Variants in CSNK1G1 observed in about 807,000 individuals in gnomAD.
The protein encoded by CSNK1G1 is casein kinase 1 gamma 1, also known as casein kinase I isoform gamma-1.
CSNK1G1 carries 22 observed loss-of-function variants against 59.6 expected under a neutral mutation model. The ratio of observed to expected loss-of-function variants is 0.37; its 90% confidence interval spans 0.26 to 0.53. CSNK1G1 has a LOEUF of 0.53. Among genes scored for constraint, CSNK1G1 ranks in the 20% least tolerant of loss-of-function variants. CSNK1G1 has a pLI of 0.89. For missense variants in CSNK1G1, 384 were observed against 519.5 expected, an observed-to-expected ratio of 0.74 and a Z score of 2.54; for synonymous variants, 179 against 177.1, an observed-to-expected ratio of 1.01 and a Z score of -0.08.
chr15:64,260,991 C>A (rs1290431561), intron 2 of CSNK1G1, among the ~76,000 whole-genome samples: 1 of 152,066 alleles, frequency 6.6e-6, no homozygotes, highest in Admixed American at 6.6e-5. Flanking sequence ...TGAATAACTT[C>A]TTTTTTAGGG....
intron 10 of CSNK1G1, among the ~76,000 whole-genome samples, chr15:64,198,991 C>T (rs1052743959): frequency 6.6e-6 from 1 of 151,238 alleles, no homozygotes; most frequent in Non-Finnish European, 1.5e-5. Flanking sequence ...TAGTGGCTCC[C>T]AGCATTTTGG....
chr15:64,199,629 C>A (rs954176349), intron 10 of CSNK1G1, among the ~76,000 whole-genome samples: 2 of 152,060 alleles, frequency 1.3e-5, no homozygotes, highest in Admixed American at 6.5e-5. Context: ...CCGAGGCGGG[C>A]GGATTGCCTG....
chr15:64,220,975 A>AAAAAACAG (rs2082381562), intron 4 of CSNK1G1, among the ~76,000 whole-genome samples: 2 of 152,232 alleles, frequency 1.3e-5, no homozygotes, highest in African/African-American at 4.8e-5. Flanking sequence ...TAGATGGAGC[A>AAAAAACAG]AAAAACAGAA....
At chr15:64,333,014 T>C (rs1897194809) in intron 1 of CSNK1G1, among the ~76,000 whole-genome samples, 2 of 152,080 alleles carry the variant, frequency 1.3e-5, no homozygotes, top group Non-Finnish European at 2.9e-5. Context: ...CCCAGCACTT[T>C]GGGAGGCCAA....
intron 1 of CSNK1G1, among the ~76,000 whole-genome samples, chr15:64,329,301 G>T (rs1194842424): frequency 6.6e-6 from 1 of 151,526 alleles, no homozygotes; most frequent in Non-Finnish European, 1.5e-5. Context: ...AAATGTAAAA[G>T]AACAGAAATT....
intron 4 of CSNK1G1, among the ~76,000 whole-genome samples, chr15:64,221,817 C>G (rs2082391985): frequency 6.6e-6 from 1 of 152,076 alleles, no homozygotes; most frequent in Non-Finnish European, 1.5e-5. Context: ...AACACTTTTA[C>G]ACTGTTGGTA....
Position 64,216,176 on chromosome 15 carries a change from GATCATGCTACTGTAC to G in CSNK1G1, c.444+371_444+385del, listed in dbSNP as rs1056264843. 3.3e-5 allele frequency among the ~76,000 whole-genome samples: 5 copies of G among 152,238 alleles called. No homozygotes were observed. The East Asian group carries it at 9.7e-4, about 29-fold the overall frequency. On this transcript the variant is annotated intron_variant, in intron 5 of 11. Coordinates refer to ENST00000303052, the MANE Select transcript of CSNK1G1 (RefSeq NM_022048.5). The surrounding 1 kb of genome is among the most constrained non-coding windows in gnomAD (Gnocchi z 4.6). ...GGAGTTTGAGGTTGCACTGAGCTAT[GATCATGCTACTGTAC>G]TCTAGCCTGGGTGACAGAGACCCTG...
chr15:64,196,203 T>G (rs2140236734), intron 10 of CSNK1G1, among the ~76,000 whole-genome samples: 1 of 152,020 alleles, frequency 6.6e-6, no homozygotes, highest in South Asian at 2.1e-4. Flanking sequence ...AGAGGTGGAG[T>G]GAGATCCCAT....
At chr15:64,278,269 A>C (rs1893866359) in intron 2 of CSNK1G1, among the ~76,000 whole-genome samples, 2 of 151,442 alleles carry the variant, frequency 1.3e-5, no homozygotes, top group South Asian at 4.2e-4. Flanking sequence ...CTTGTCTCAA[A>C]CTACTGACCT....
At chr15:64,285,965 G>A (rs1448585938) in intron 2 of CSNK1G1, among the ~76,000 whole-genome samples, 2 of 151,808 alleles carry the variant, frequency 1.3e-5, no homozygotes, top group South Asian at 2.1e-4. Flanking sequence ...TCACATCTCC[G>A]GCCTCACTTC....
intron 1 of CSNK1G1, among the ~76,000 whole-genome samples, chr15:64,352,237 C>T (rs1898335785): frequency 6.6e-6 from 1 of 151,458 alleles, no homozygotes; most frequent in East Asian, 2.0e-4. Flanking sequence ...ACCCGGGAGG[C>T]GGAGGTTGCA....
chr15:64,216,531 A>T lies in CSNK1G1; in HGVS notation c.444+31T>A. Reference sequence around the variant, plus strand: ...AAGGATGTGGCTGAGGAACCAGCTTATTCTCTTCTAGAAGAGCAATTCCAA... The same window carrying T: ...AAGGATGTGGCTGAGGAACCAGCTTTTTCTCTTCTAGAAGAGCAATTCCAA... On this transcript the variant is annotated intron_variant, in intron 5 of 11. Transcript: ENST00000303052. The surrounding 1 kb of genome is among the most constrained non-coding windows in gnomAD (Gnocchi z 4.6). 4.3e-6 allele frequency: 7 copies of T among 1,609,214 alleles called. No individual in the cohort carries two copies. Among genetic ancestry groups the T allele is most frequent in the Non-Finnish European group, 6.0e-6 (7 of 1,176,180 alleles).
At chr15:64,225,275 A>T (rs1166405808) in intron 4 of CSNK1G1, among the ~76,000 whole-genome samples, 1 of 151,940 alleles carries the variant, frequency 6.6e-6, no homozygotes, top group African/African-American at 2.4e-5. Context: ...GCAGGAGAAT[A>T]GGGTCTGGAA....
In CSNK1G1 at chr15:64,290,175, AC is replaced by A. The variant is rs1177828071; in HGVS notation, c.181+10143del. On this transcript the variant is annotated intron_variant, in intron 2 of 11. Coordinates refer to ENST00000303052, the MANE Select transcript of CSNK1G1 (RefSeq NM_022048.5). ...GGAAGTTTCCCAAAAAACTAAAACC[AC>A]CATTTGATCCTGCAATCTCACTAAT... 2.6e-5 allele frequency among the ~76,000 whole-genome samples: 4 copies of A among 152,280 alleles called. No individual in the cohort carries two copies. In the East Asian group the frequency reaches 7.7e-4, roughly 29 times the overall value.
Position 64,170,710 on chromosome 15 carries a change from C to T in CSNK1G1, c.*1221G>A, listed in dbSNP as rs1308838988. On this transcript the variant is annotated 3_prime_UTR_variant, in exon 12 of 12. Coordinates refer to ENST00000303052, the MANE Select transcript of CSNK1G1 (RefSeq NM_022048.5). ...TTCATCACTAATTTTTCCCCCAAGT[C>T]ACCAGGACGTCACATGGCTATCTAG... is the stretch of plus-strand genomic sequence containing the variant. 6.6e-6 allele frequency: 1 copy of T among 152,538 alleles called. No homozygotes were observed. Among genetic ancestry groups the T allele is most frequent in the African/African-American group, 2.4e-5 (1 of 41,406 alleles). The allele number at this position is 152,538 out of a possible 1,614,324, so 9.4% of individuals were successfully genotyped here.
chr15:64,181,328 C>G (rs1204627860), intron 10 of CSNK1G1: 1 of 1,536,100 alleles, frequency 6.5e-7, no homozygotes, highest in South Asian at 1.2e-5. Flanking sequence ...CTTCTGCCAC[C>G]TGGTTTCATT....
At chr15:64,196,959 T>A (rs909652964) in intron 10 of CSNK1G1, among the ~76,000 whole-genome samples, 1 of 152,198 alleles carries the variant, frequency 6.6e-6, no homozygotes, top group African/African-American at 2.4e-5. Context: ...TATAAAAAAA[T>A]ATCTATTTAC....
At chr15:64,308,968 T>A (rs1393266995) in intron 1 of CSNK1G1, among the ~76,000 whole-genome samples, 1 of 152,152 alleles carries the variant, frequency 6.6e-6, no homozygotes, top group Non-Finnish European at 1.5e-5. Flanking sequence ...TTCCGCTTAA[T>A]TTCTGTTTAA....
At chr15:64,277,834 T>C (rs1893802367) in intron 2 of CSNK1G1, among the ~76,000 whole-genome samples, 1 of 137,762 alleles carries the variant, frequency 7.3e-6, no homozygotes, top group Non-Finnish European at 1.5e-5. Flanking sequence ...TTAATAATAA[T>C]ATTGATATAT....
Sources: allele counts gnomAD v4.1 joint callset (sites outside exome capture counted in the v4.1 genomes callset), GRCh38; gene constraint gnomAD v4.1.1; non-coding constraint Gnocchi (gnomAD v3.1); transcripts MANE v1.5; gene names NCBI Gene and HGNC (gene_info 2026-07-23, HGNC 2026-07-21).